Variants in GMDS observed in about 807,000 individuals in gnomAD.
GMDS encodes GDP-mannose 4,6 dehydratase.
A neutral mutation model predicts 49.9 loss-of-function variants in GMDS; 20 were observed. The ratio of observed to expected loss-of-function variants is 0.40; its 90% CI spans 0.28 to 0.58. The LOEUF is 0.58. GMDS is among the 20% of genes least tolerant of loss of function. The probability of loss-of-function intolerance (pLI) is 0.42; values close to 1 mark genes in which losing one functional copy is unlikely to be tolerated. For missense variants in GMDS, 362 were observed against 481.4 expected, an observed-to-expected ratio of 0.75 and a Z score of 2.32; for synonymous variants, 177 against 178.6, an observed-to-expected ratio of 0.99 and a Z score of 0.07.
At chr6:1,819,776 A>AT (rs1554123178) in intron 7 of GMDS, among the ~76,000 whole-genome samples, 6,585 of 102,762 alleles carry the variant, frequency 0.064, 219 homozygotes, top group South Asian at 0.15. Context: ...AAAAAAAAAA[A>AT]ATATATATAT....
At chr6:2,200,340 C>T (rs936039244) in intron 1 of GMDS, among the ~76,000 whole-genome samples, 1 of 151,664 alleles carries the variant, frequency 6.6e-6, no homozygotes, top group Non-Finnish European at 1.5e-5. Context: ...CATGCACATC[C>T]GAGATGAAAC....
intron 9 of GMDS, among the ~76,000 whole-genome samples, chr6:1,723,763 G>A (rs941658886): frequency 6.6e-6 from 1 of 152,082 alleles, no homozygotes; most frequent in African/African-American, 2.4e-5. Flanking sequence ...TGTGCAGGAT[G>A]GACTGAGTCC....
At chr6:1,688,025 A>G (rs1232287834) in intron 9 of GMDS, among the ~76,000 whole-genome samples, 1 of 152,182 alleles carries the variant, frequency 6.6e-6, no homozygotes, top group Non-Finnish European at 1.5e-5. Flanking sequence ...GGGCTGTAGG[A>G]GGGCAAGAAT....
intron 7 of GMDS, among the ~76,000 whole-genome samples, chr6:1,881,380 C>CA (rs754159183): frequency 5.3e-5 from 8 of 151,840 alleles, no homozygotes; most frequent in Non-Finnish European, 1.2e-4. Context: ...TCCTCTCCCC[C>CA]AAAAAATCAT....
At chr6:1,795,724 C>T (rs1769711014) in intron 7 of GMDS, among the ~76,000 whole-genome samples, 1 of 152,138 alleles carries the variant, frequency 6.6e-6, no homozygotes, top group South Asian at 2.1e-4. Flanking sequence ...ATTTAAAGAA[C>T]TTGTAAATAA....
At chr6:2,073,219 T>C (rs1353623579) in intron 4 of GMDS, among the ~76,000 whole-genome samples, 1 of 152,186 alleles carries the variant, frequency 6.6e-6, no homozygotes, top group Non-Finnish European at 1.5e-5. Context: ...ATGTATCTGG[T>C]TACTCTTCAT....
intron 1 of GMDS, among the ~76,000 whole-genome samples, chr6:2,172,667 G>A (rs1367029266): frequency 6.6e-6 from 1 of 152,048 alleles, no homozygotes; most frequent in Non-Finnish European, 1.5e-5. Flanking sequence ...ACTCCAGCCT[G>A]GGCGACACAG....
rs552537307 is a variant in GMDS at position 1,730,440 on chromosome 6, T to C, written c.891-3928A>G. 7.2e-5 allele frequency among the ~76,000 whole-genome samples: 11 copies of C among 152,214 alleles called. No homozygotes were observed. In the East Asian group the frequency reaches 1.4e-3, roughly 19 times the overall value. On this transcript the variant is annotated intron_variant, in intron 8 of 10. Coordinates refer to ENST00000380815, the MANE Select transcript of GMDS (RefSeq NM_001500.4). ...GGCCCCAATTTACACTTGCAGAAGTTCCCAAATGCTCAGGAAGTGAGACCT... is the reference window on the plus strand; with the variant it reads ...GGCCCCAATTTACACTTGCAGAAGTCCCCAAATGCTCAGGAAGTGAGACCT...
chr6:1,810,085 G>A (rs1770352858), intron 7 of GMDS, among the ~76,000 whole-genome samples: 1 of 152,066 alleles, frequency 6.6e-6, no homozygotes, highest in Admixed American at 6.5e-5. Flanking sequence ...AGCCGGGGGT[G>A]GGGTATTGAA....
chr6:1,726,794 T>A (rs1198686796), intron 8 of GMDS, among the ~76,000 whole-genome samples: 1 of 152,212 alleles, frequency 6.6e-6, no homozygotes, highest in Non-Finnish European at 1.5e-5. Flanking sequence ...AAAATAAAAT[T>A]GGGCAACTTT....
chr6:1,767,662 G>A (rs2113570663), intron 7 of GMDS, among the ~76,000 whole-genome samples: 1 of 152,324 alleles, frequency 6.6e-6, no homozygotes, highest in East Asian at 1.9e-4. Flanking sequence ...GAGTTTCTCT[G>A]CAAATTCTCT....
chr6:1,826,820 G>A (rs1395864388), intron 7 of GMDS, among the ~76,000 whole-genome samples: 1 of 152,014 alleles, frequency 6.6e-6, no homozygotes, highest in Non-Finnish European at 1.5e-5. Flanking sequence ...TAATACCAGT[G>A]TTTAGAGAGG....
At chr6:1,896,149 G>T (rs1341444448) in intron 7 of GMDS, among the ~76,000 whole-genome samples, 1 of 152,118 alleles carries the variant, frequency 6.6e-6, no homozygotes, top group Middle Eastern at 3.2e-3. Flanking sequence ...CTCAAACTTG[G>T]CACTACTGGC....
intron 4 of GMDS, among the ~76,000 whole-genome samples, chr6:2,106,862 C>A (rs1376231837): frequency 8.2e-4 from 110 of 134,770 alleles, no homozygotes; most frequent in African/African-American, 2.9e-3. Context: ...GACTCTGTCT[C>A]AAAAAAAGAA....
rs577149949 is a variant in GMDS, at chr6:1,757,176, C to G, written c.772-14590G>C. Among the ~76,000 whole-genome samples, 24 of 152,320 alleles carry G rather than the reference C, an allele frequency of 1.6e-4. No homozygotes were observed. The South Asian group carries it at 4.6e-3, about 29-fold the overall frequency. ...ATTAAGCTCCATCTATCTTTAACAT[C>G]GTGCAGTGACAGGTTTAAATGAGGG... On this transcript the variant is annotated intron_variant, in intron 7 of 10. Coordinates refer to ENST00000380815, the MANE Select transcript of GMDS (RefSeq NM_001500.4).
chr6:1,785,108 T>C (rs1188789018), intron 7 of GMDS, among the ~76,000 whole-genome samples: 1 of 152,154 alleles, frequency 6.6e-6, no homozygotes, highest in East Asian at 1.9e-4. Flanking sequence ...TAGTAACACC[T>C]CAAAGTCTAA....
chr6:1,748,827 A>G (rs1010407531), intron 7 of GMDS, among the ~76,000 whole-genome samples: 1 of 152,268 alleles, frequency 6.6e-6, no homozygotes, highest in African/African-American at 2.4e-5. Context: ...TCTACAGAGA[A>G]CAATTACCCA....
chr6:2,050,491 G>T (rs916123996), intron 4 of GMDS, among the ~76,000 whole-genome samples: 3 of 152,088 alleles, frequency 2.0e-5, no homozygotes, highest in African/African-American at 7.2e-5. Context: ...CTATTCCAAT[G>T]ATTAGAAAAA....
chr6:1,747,086 T>G (rs969596716), intron 7 of GMDS, among the ~76,000 whole-genome samples: 1 of 152,074 alleles, frequency 6.6e-6, no homozygotes, highest in Non-Finnish European at 1.5e-5. Flanking sequence ...GATGCAGAAG[T>G]GGTTTGGGAG....
Sources: allele counts gnomAD v4.1 joint callset (sites outside exome capture counted in the v4.1 genomes callset), GRCh38; gene constraint gnomAD v4.1.1; transcripts MANE v1.5; gene names NCBI Gene and HGNC (gene_info 2026-07-23, HGNC 2026-07-21).